Variants in ATXN3 observed in about 807,000 individuals in gnomAD.
ATXN3 encodes the protein ataxin 3.
A neutral mutation model predicts 58.2 loss-of-function variants in ATXN3; 28 were observed. The observed-to-expected ratio is 0.48, with a 90% CI of 0.36 to 0.66. The LOEUF (loss-of-function observed/expected upper bound fraction) is 0.66. Ranked by LOEUF, ATXN3 falls within the 30% of genes least tolerant of loss-of-function variation. ATXN3 has a pLI of 0.00. For missense variants in ATXN3, 321 were observed against 422.1 expected (o/e 0.76, Z 2.10); for synonymous variants, 113 against 138.5 (o/e 0.82, Z 1.29).
At position 92,064,363 on chromosome 14, in the gene ATXN3, A is replaced by G. The variant is rs1437738479; in HGVS notation, c.1043T>C (p.Leu348Ser). ...DMLQAAVTMS[L>S]ETVRNDLKTE... ...TTTCAAATCATTTCTGACAGTTTCTAAAGACATGGTCACAGCTGCCTGAAG... is the reference window on the plus strand; with the variant it reads ...TTTCAAATCATTTCTGACAGTTTCTGAAGACATGGTCACAGCTGCCTGAAG... Residue 348 changes from leucine (L) to serine (S), a missense_variant, in exon 11 of 11, where the codon TTA becomes TCA. Physicochemically the swap from Leu to Ser is moderately radical, Grantham distance 145. Transcript: ENST00000644486. 1.9e-6 allele frequency: 3 copies of G among 1,613,232 alleles called. No individual in the cohort carries two copies. The highest frequency in any genetic ancestry group is 1.7e-6 in the Non-Finnish European group (2 of 1,179,464).
upstream of ATXN3, among the ~76,000 whole-genome samples, chr14:92,053,480 T>C (rs932920917): frequency 1.3e-5 from 2 of 151,240 alleles, no homozygotes; most frequent in Non-Finnish European, 2.9e-5. Flanking sequence ...CTCCTTTTTT[T>C]TTTCTTTCTT....
chr14:92,095,856 C>T lies in ATXN3; in HGVS notation c.234+237G>A, dbSNP rs181356152. Among the ~76,000 whole-genome samples, 5 of 151,794 alleles carry T rather than the reference C, an allele frequency of 3.3e-5. No homozygotes were observed. The East Asian group carries it at 5.9e-4, about 18-fold the overall frequency. On this transcript the variant is annotated intron_variant, in intron 3 of 10. Coordinates refer to ENST00000644486, the MANE Select transcript of ATXN3 (RefSeq NM_004993.6). The stretch of plus-strand genomic sequence containing the variant: ...ACTTGGGAGGCTGAGGCAGGAGGAT[C>T]GCTTGAACCCGGGAGGCAGAGGCTA...
intron 9 of ATXN3, among the ~76,000 whole-genome samples, chr14:92,076,815 C>T (rs1199102084): frequency 6.6e-6 from 1 of 151,652 alleles, no homozygotes; most frequent in East Asian, 1.9e-4. Context: ...AGGCACTTGC[C>T]TGTAACCGCA....
At position 92,096,154 on chromosome 14, in the gene ATXN3, G is replaced by A. The variant is rs2065178913; in HGVS notation, c.190-17C>T. 1.3e-6 allele frequency: 1 copy of A among 786,852 alleles called. No homozygotes were observed. Among genetic ancestry groups the A allele is most frequent in the African/African-American group, 1.9e-5 (1 of 53,060 alleles). 48.7% of individuals were successfully genotyped at this position (786,852 alleles called of 1,614,324 possible). A position where few individuals can be genotyped will look rare whatever the true frequency, so the allele number is the denominator to read the frequency against. On this transcript the variant is annotated splice_polypyrimidine_tract_variant and intron_variant, in intron 2 of 10. Transcript: ENST00000644486. ...AGAAGGCTGCTGTTAATTTTGACAG[G>A]TAGTTGAAGCAAGGGTGGGGGTGGG...
At chr14:92,078,070 G>T (rs1382819686) in intron 9 of ATXN3, among the ~76,000 whole-genome samples, 1 of 150,212 alleles carries the variant, frequency 6.7e-6, no homozygotes, top group African/African-American at 2.5e-5. Context: ...TACCTCCTGG[G>T]TTCAAGCGAT....
chr14:92,106,303 A>C (rs2068358360), intron 1 of ATXN3, among the ~76,000 whole-genome samples: 1 of 149,780 alleles, frequency 6.7e-6, no homozygotes, highest in South Asian at 2.1e-4. Context: ...GGCCCCGCCC[A>C]TACTCCCTCC....
chr14:92,046,816 A>G (rs1233125830), intron 2 of ATXN3, among the ~76,000 whole-genome samples: 1 of 152,186 alleles, frequency 6.6e-6, no homozygotes, highest in Non-Finnish European at 1.5e-5. Flanking sequence ...GTCAGACATG[A>G]TCAGCAGGGA....
At chr14:92,098,147 T>C (rs1467000966) in intron 1 of ATXN3, among the ~76,000 whole-genome samples, 3 of 152,096 alleles carry the variant, frequency 2.0e-5, no homozygotes, top group Non-Finnish European at 4.4e-5. Context: ...AGTTATTTAT[T>C]TATTTAAAAA....
At chr14:92,065,516 T>G (rs1209080732) in intron 10 of ATXN3, among the ~76,000 whole-genome samples, 1 of 151,714 alleles carries the variant, frequency 6.6e-6, no homozygotes, top group African/African-American at 2.4e-5. Flanking sequence ...GGCAGATTGC[T>G]TGAGCCCAGG....
At chr14:92,098,558 A>G (rs760503204) in intron 1 of ATXN3, among the ~76,000 whole-genome samples, 1 of 152,214 alleles carries the variant, frequency 6.6e-6, no homozygotes, top group Non-Finnish European at 1.5e-5. Context: ...CTGCCACTCC[A>G]GTCTGGGTAA....
At chr14:92,053,143 G>A (rs772415518), upstream of ATXN3, among the ~76,000 whole-genome samples, 7 of 152,202 alleles carry the variant, frequency 4.6e-5, no homozygotes, top group African/African-American at 1.4e-4. Flanking sequence ...CCAGCTACTC[G>A]GGAGACTGAA....
chr14:92,082,552 A>C (rs10146519), intron 7 of ATXN3, 86 bp from the exon 8 acceptor site: 326,084 of 1,252,332 alleles, frequency 0.26, 44,693 homozygotes, highest in East Asian at 0.46. Context: ...AAAGGCTTTA[A>C]GTAAGTCAAA....
At chr14:92,082,168 C>A (rs2061588110) in intron 8 of ATXN3, 132 bp downstream of exon 8, 4 of 935,534 alleles carry the variant, frequency 4.3e-6, no homozygotes, top group Non-Finnish European at 4.5e-6. Context: ...AAAGGGAAAG[C>A]CCACTATATA....
At chr14:92,072,233 A>G (rs951212940) in intron 9 of ATXN3, among the ~76,000 whole-genome samples, 6 of 152,236 alleles carry the variant, frequency 3.9e-5, no homozygotes, top group African/African-American at 1.4e-4. Flanking sequence ...TAGAAAATAT[A>G]CACTGAACAA....
At chr14:92,100,956 A>G (rs2145127) in intron 1 of ATXN3, among the ~76,000 whole-genome samples, 40,488 of 152,116 alleles carry the variant, frequency 0.27, 5,719 homozygotes, top group Admixed American at 0.37. Flanking sequence ...GGAGTTTACA[A>G]ACTATGGTCA....
At chr14:92,083,749 T>C (rs2140812897) in intron 6 of ATXN3, among the ~76,000 whole-genome samples, 1 of 152,330 alleles carries the variant, frequency 6.6e-6, no homozygotes, top group African/African-American at 2.4e-5. Context: ...CTACAAATTA[T>C]TGTTTCTGGG....
intron 1 of ATXN3, among the ~76,000 whole-genome samples, chr14:92,104,121 A>G (rs952137372): frequency 6.6e-6 from 1 of 152,172 alleles, no homozygotes; most frequent in African/African-American, 2.4e-5. Flanking sequence ...ACACATGCTG[A>G]TAATTAAGAG....
chr14:92,082,137 G>T (rs117601173), intron 8 of ATXN3, among the ~76,000 whole-genome samples, 163 bp downstream of exon 8: 1 of 152,186 alleles, frequency 6.6e-6, no homozygotes, highest in Non-Finnish European at 1.5e-5. Flanking sequence ...TGTAAAAAGT[G>T]ATTTCCATTA....
Position 92,059,075 on chromosome 14 carries a change from T to C in ATXN3, c.*5245A>G, listed in dbSNP as rs765591204. ...CTAATGTTTCTCATTGCTTTGTCTA[T>C]GAATCCACAGGCTTAAAATGTTTTT... On this transcript the variant is annotated 3_prime_UTR_variant, in exon 11 of 11. Coordinates refer to ENST00000644486, the MANE Select transcript of ATXN3 (RefSeq NM_004993.6). 5.9e-5 allele frequency: 9 copies of C among 152,192 alleles called. No homozygotes were observed. Among genetic ancestry groups the C allele is most frequent in the Non-Finnish European group, 1.3e-4 (9 of 68,040 alleles). 9.4% of individuals were successfully genotyped at this position (152,192 alleles called of 1,614,324 possible).
Sources: gnomAD v4.1 joint callset for allele counts (sites outside exome capture counted in the v4.1 genomes callset) on GRCh38, gnomAD v4.1.1 for gene constraint, MANE v1.5 for transcripts, NCBI Gene and HGNC (gene_info 2026-07-23, HGNC 2026-07-21) for gene names.